The following ANKS1A variants were observed in gnomAD, a reference collection of about 807,000 sequenced individuals.
ANKS1A encodes the protein ankyrin repeat and sterile alpha motif domain containing 1A.
ANKS1A carries 55 observed loss-of-function variants against 120.3 expected under a neutral mutation model. The observed-to-expected ratio is 0.46, with a 90% confidence interval of 0.37 to 0.57. The LOEUF is 0.57. ANKS1A is among the 20% of genes least tolerant of loss of function. The pLI, the probability that ANKS1A is intolerant of heterozygous loss-of-function variation, is 0.00. For synonymous variants in ANKS1A, 590 were observed against 604.7 expected (o/e 0.98, Z 0.36); for missense variants, 1,123 against 1,480.3 (o/e 0.76, Z 3.96).
chr6:34,998,036 A>G (rs1289772233), intron 10 of ANKS1A, among the ~76,000 whole-genome samples: 1 of 152,162 alleles, frequency 6.6e-6, no homozygotes, highest in Non-Finnish European at 1.5e-5. Flanking sequence ...TGTTTAGATC[A>G]CTCAAAGAGC....
intron 10 of ANKS1A, among the ~76,000 whole-genome samples, chr6:35,007,887 T>G (rs1773545627): frequency 6.6e-6 from 1 of 152,246 alleles, no homozygotes; most frequent in South Asian, 2.1e-4. Context: ...GTTTTTAGCT[T>G]CTACCTCTAC....
chr6:34,960,417 G>A (rs1348417054), intron 1 of ANKS1A, among the ~76,000 whole-genome samples: 2 of 152,042 alleles, frequency 1.3e-5, no homozygotes, highest in African/African-American at 4.8e-5. Context: ...TTTTCCATCT[G>A]CATCTCCAGC....
the ANKS1A span, among the ~76,000 whole-genome samples, chr6:35,096,541 T>C: frequency 6.6e-6 from 1 of 152,232 alleles, no homozygotes; most frequent in African/African-American, 2.4e-5. Context: ...GTTATGCGTG[T>C]CTGTAAATGA....
intron 11 of ANKS1A, chr6:35,038,214 C>T (rs1156372372): frequency 4.4e-6 from 2 of 456,520 alleles, no homozygotes; most frequent in South Asian, 3.1e-5. Flanking sequence ...TGTCAGAAGC[C>T]CATCAGTCTG....
Position 35,084,703 on chromosome 6 carries a change from AC to A in ANKS1A, c.3132+447del, listed in dbSNP as rs1360682989. On this transcript the variant is annotated intron_variant, in intron 21 of 23. Coordinates refer to ENST00000360359, the MANE Select transcript of ANKS1A (RefSeq NM_015245.3). The surrounding 1 kb of genome is among the most constrained non-coding windows in gnomAD (Gnocchi z 4.8). ...CCCGGCTCCCTGCCCTAGGTCTCCAACCTCTGGCTGGGCCGCCTCCCAGAAA... is the reference window on the plus strand; with the variant it reads ...CCCGGCTCCCTGCCCTAGGTCTCCAACTCTGGCTGGGCCGCCTCCCAGAAA... Among the ~76,000 whole-genome samples, 1 of 151,854 alleles carries A rather than the reference AC, an allele frequency of 6.6e-6. No homozygotes were observed. The highest frequency in any genetic ancestry group is 6.6e-5 in the Admixed American group (1 of 15,250).
rs372616557 is a variant in ANKS1A at position 35,075,446 on chromosome 6, C to T, written c.2185-3112C>T. Reference sequence around the variant, plus strand: ...TTTTTTTTTTTTTGAGATGGAGTCTCGTTCTGTCACCCAGGCTGGAGTGCA... The same window carrying T: ...TTTTTTTTTTTTTGAGATGGAGTCTTGTTCTGTCACCCAGGCTGGAGTGCA... On this transcript the variant is annotated intron_variant, in intron 13 of 23. Transcript: ENST00000360359. Among the ~76,000 whole-genome samples the T allele has an allele frequency of 4.6e-3, 623 of 136,790 alleles. 6 individuals carry two copies. The highest frequency in any genetic ancestry group is 0.016 in the African/African-American group (597 of 36,198). 89.7% of individuals were successfully genotyped at this position (136,790 alleles called of 152,430 possible).
At chr6:35,020,958 G>A (rs889360832) in intron 11 of ANKS1A, among the ~76,000 whole-genome samples, 20 of 152,214 alleles carry the variant, frequency 1.3e-4, no homozygotes, top group Admixed American at 2.6e-4. Flanking sequence ...TTATTGGAAA[G>A]AATTCAGAAG....
At chr6:34,892,845 T>C (rs1332491261) in intron 1 of ANKS1A, among the ~76,000 whole-genome samples, 1 of 152,346 alleles carries the variant, frequency 6.6e-6, no homozygotes, top group African/African-American at 2.4e-5. Flanking sequence ...CCCTCACCGA[T>C]TGATGCTATA....
intron 8 of ANKS1A, 27 bp downstream of exon 8, chr6:34,985,305 T>C (rs753131394): frequency 1.2e-6 from 2 of 1,604,242 alleles, no homozygotes; most frequent in South Asian, 1.1e-5. Context: ...TTACACCTCC[T>C]GGGGGCTGTG....
intron 13 of ANKS1A, among the ~76,000 whole-genome samples, chr6:35,069,230 G>A (rs772413531): frequency 9.9e-5 from 15 of 152,092 alleles, no homozygotes; most frequent in Non-Finnish European, 1.2e-4. Flanking sequence ...TAGGCTTTCT[G>A]ATTGTGGTTA....
At chr6:35,069,706 A>AAT (rs199830686) in intron 13 of ANKS1A, among the ~76,000 whole-genome samples, 624 of 53,070 alleles carry the variant, frequency 0.012, 5 homozygotes, top group Middle Eastern at 0.065. Flanking sequence ...CTACCTGGCT[A>AAT]ATATATATAT....
At position 35,018,595 on chromosome 6, in the gene ANKS1A, T is replaced by G. The variant is rs796847476; in HGVS notation, c.2010+536T>G. 5.3e-5 allele frequency among the ~76,000 whole-genome samples: 8 copies of G among 152,146 alleles called. 1 individual carries two copies. Among genetic ancestry groups the G allele is most frequent in the African/African-American group, 1.4e-4 (6 of 41,512 alleles). On this transcript the variant is annotated intron_variant, in intron 11 of 23. Coordinates refer to ENST00000360359, the MANE Select transcript of ANKS1A (RefSeq NM_015245.3). The stretch of plus-strand genomic sequence containing the variant: ...TACATGTGCAGGTTTGTTACATGGG[T>G]ATATTGCATGATGCTGAGGTTTGGG...
At chr6:35,074,436 CAA>C (rs879350993) in intron 13 of ANKS1A, among the ~76,000 whole-genome samples, 2 of 133,548 alleles carry the variant, frequency 1.5e-5, no homozygotes. Flanking sequence ...CCCATCTCTA[CAA>C]AAAAAAAAAA....
chr6:34,973,406 C>T (rs1462692671), intron 3 of ANKS1A, among the ~76,000 whole-genome samples: 1 of 152,202 alleles, frequency 6.6e-6, no homozygotes, highest in African/African-American at 2.4e-5. Flanking sequence ...CCTGTCTGCC[C>T]CTCAGCCTTT....
intron 13 of ANKS1A, among the ~76,000 whole-genome samples, chr6:35,077,953 C>T (rs1435703938): frequency 6.6e-6 from 1 of 152,192 alleles, no homozygotes; most frequent in African/African-American, 2.4e-5. Flanking sequence ...GTGGGCGCTC[C>T]GTGTGCCTCT....
intron 1 of ANKS1A, among the ~76,000 whole-genome samples, chr6:34,910,228 T>G (rs545483396): frequency 6.6e-6 from 1 of 152,304 alleles, no homozygotes; most frequent in South Asian, 2.1e-4. Flanking sequence ...ACTGTTGATT[T>G]GCAGTTGAGT....
intron 1 of ANKS1A, among the ~76,000 whole-genome samples, chr6:34,962,477 A>G: frequency 6.6e-6 from 1 of 152,200 alleles, no homozygotes; most frequent in East Asian, 1.9e-4. Flanking sequence ...TATCATTTTT[A>G]TGGTGAGAAC....
chr6:34,925,696 C>T (rs60509690), intron 1 of ANKS1A, among the ~76,000 whole-genome samples: 11,525 of 152,204 alleles, frequency 0.076, 633 homozygotes, highest in East Asian at 0.32. Context: ...GAGGGATACT[C>T]TGTGGGATTC....
At chr6:34,951,781 T>C (rs1770104197) in intron 1 of ANKS1A, among the ~76,000 whole-genome samples, 1 of 152,224 alleles carries the variant, frequency 6.6e-6, no homozygotes, top group Non-Finnish European at 1.5e-5. Flanking sequence ...TAACAGACTT[T>C]GTCAGCTAAT....
Sources: allele counts gnomAD v4.1 joint callset (sites outside exome capture counted in the v4.1 genomes callset), GRCh38; gene constraint gnomAD v4.1.1; non-coding constraint Gnocchi (gnomAD v3.1); transcripts MANE v1.5; gene names NCBI Gene and HGNC (gene_info 2026-07-23, HGNC 2026-07-21).